Variants in C17orf107 observed in about 807,000 individuals in gnomAD.
The protein encoded by C17orf107 is chromosome 17 open reading frame 107, also known as uncharacterized protein C17orf107.
Under a neutral mutation model 8.9 loss-of-function variants are expected in C17orf107, and 9 were observed. The ratio of observed to expected loss-of-function variants is 1.02; its 90% CI spans 0.61 to 1.77. The LOEUF (loss-of-function observed/expected upper bound fraction) is 1.77. C17orf107 is among the 40% of genes most tolerant of loss of function. C17orf107 has a pLI of 0.00. For missense variants in C17orf107, 281 were observed against 249.0 expected (o/e 1.13, Z -0.86); for synonymous variants, 139 against 120.3 (o/e 1.16, Z -1.02).
In C17orf107 at chr17:4,900,872, G is replaced by A. The variant is rs900612569; in HGVS notation, c.*339G>A. The A allele has an allele frequency of 1.9e-6, 3 of 1,614,220 alleles. No homozygotes were observed. Among genetic ancestry groups the A allele is most frequent in the African/African-American group, 2.7e-5 (2 of 75,076 alleles). On this transcript the variant is annotated 3_prime_UTR_variant, in exon 3 of 3. Coordinates refer to ENST00000381365, the MANE Select transcript of C17orf107 (RefSeq NM_001145536.2). ...AACAAGAAGACGGTCTGGGCGAGCA[G>A]GACGTTGATGGAGACCGTGCATTTC...
rs1207375260 is a variant in C17orf107 at position 4,901,109 on chromosome 17, G to C, written c.*576G>C. ...GATGATGAGCGAGTAGATGACGTCA[G>C]TCTCCCCTGGGCCGTCGGTGGCGCC... On this transcript the variant is annotated 3_prime_UTR_variant, in exon 3 of 3. Coordinates refer to ENST00000381365, the MANE Select transcript of C17orf107 (RefSeq NM_001145536.2). 2 of 1,613,496 alleles carry C rather than the reference G, an allele frequency of 1.2e-6. No homozygotes were observed. Among genetic ancestry groups the C allele is most frequent in the South Asian group, 1.1e-5 (1 of 91,080 alleles).
intron 1 of C17orf107, 41 bp downstream of exon 1, chr17:4,899,869 T>TG: frequency 6.5e-7 from 1 of 1,543,114 alleles, no homozygotes; most frequent in South Asian, 1.2e-5. Context: ...CGAGACCTTC[T>TG]GGGTAGGTCT....
At position 4,900,947 on chromosome 17, in the gene C17orf107, G is replaced by T; in HGVS notation, c.*414G>T. On this transcript the variant is annotated 3_prime_UTR_variant, in exon 3 of 3. Transcript: ENST00000381365. ...AGTGAGAGCGGGCCCCGCCTCCCGGGAGCGAGCCCGGGTTTGGGGGTAGGT... is the reference window on the plus strand; with the variant it reads ...AGTGAGAGCGGGCCCCGCCTCCCGGTAGCGAGCCCGGGTTTGGGGGTAGGT... 6.2e-7 allele frequency: 1 copy of T among 1,614,032 alleles called. No homozygotes were observed. The highest frequency in any genetic ancestry group is 1.3e-5 in the African/African-American group (1 of 75,070).
chr17:4,901,110 T>C lies in C17orf107; in HGVS notation c.*577T>C, dbSNP rs1252881821. ...ATGATGAGCGAGTAGATGACGTCAG[T>C]CTCCCCTGGGCCGTCGGTGGCGCCA... On this transcript the variant is annotated 3_prime_UTR_variant, in exon 3 of 3. Coordinates refer to ENST00000381365, the MANE Select transcript of C17orf107 (RefSeq NM_001145536.2). 2 of 1,613,326 alleles carry C rather than the reference T, an allele frequency of 1.2e-6. No homozygotes were observed. The highest frequency in any genetic ancestry group is 1.7e-6 in the Non-Finnish European group (2 of 1,179,914).
In C17orf107 at chr17:4,900,574, T is replaced by G. The variant is rs1248017352; in HGVS notation, c.*41T>G. On this transcript the variant is annotated 3_prime_UTR_variant, in exon 3 of 3. Coordinates refer to ENST00000381365, the MANE Select transcript of C17orf107 (RefSeq NM_001145536.2). ...GGGCTAGGGAGGCACTGAGCCGGAC[T>G]GTCCCCCAAGAGAGCTACTCGGGAG... is the stretch of plus-strand genomic sequence containing the variant. 1 of 1,549,262 alleles carries G rather than the reference T, an allele frequency of 6.5e-7. No individual in the cohort carries two copies. Among genetic ancestry groups the G allele is most frequent in the African/African-American group, 1.4e-5 (1 of 73,056 alleles).
chr17:4,904,137 G>A (rs1355604056), downstream of C17orf107, among the ~76,000 whole-genome samples: 3 of 152,144 alleles, frequency 2.0e-5, no homozygotes, highest in Non-Finnish European at 2.9e-5. Flanking sequence ...GATTATAGGC[G>A]TGAGCCACCG....
chr17:4,903,120 C>T, downstream of C17orf107: 2 of 1,589,648 alleles, frequency 1.3e-6, no homozygotes, highest in Non-Finnish European at 1.7e-6. Flanking sequence ...AGGGGGCATG[C>T]CAGGGTGCCT....
chr17:4,902,629 T>C lies in C17orf107; in HGVS notation c.*2096T>C. On this transcript the variant is annotated 3_prime_UTR_variant, in exon 3 of 3. Transcript: ENST00000381365. The surrounding 1 kb of genome is among the most constrained non-coding windows in gnomAD (Gnocchi z 4.0). ...GGGTGGGGGTAGCTTACCAGTGAGA[T>C]GAGATTCGTCAGGGTGACCTTGAGG... is the stretch of plus-strand genomic sequence containing the variant. 8 of 1,610,244 alleles carry C rather than the reference T, an allele frequency of 5.0e-6. No homozygotes were observed. The highest frequency in any genetic ancestry group is 6.8e-6 in the Non-Finnish European group (8 of 1,176,860).
rs1385171102 is a variant in C17orf107 at position 4,900,625 on chromosome 17, TGAG to T, written c.*98_*100del. On this transcript the variant is annotated 3_prime_UTR_variant, in exon 3 of 3. Transcript: ENST00000381365. ...ACCTCCAGGTGACGTCCAGCAGCAG[TGAG>T]GAGGACGGCGGACCAGGGACTCCAT... The T allele has an allele frequency of 4.7e-6, 7 of 1,501,504 alleles. No homozygotes were observed. The Admixed American group carries it at 9.9e-5, about 21-fold the overall frequency. 93.0% of individuals were successfully genotyped at this position (1,501,504 alleles called of 1,614,324 possible).
Position 4,902,013 on chromosome 17 carries a change from G to A in C17orf107, c.*1480G>A. 2 of 1,614,118 alleles carry A rather than the reference G, an allele frequency of 1.2e-6. No individual in the cohort carries two copies. Among genetic ancestry groups the A allele is most frequent in the Non-Finnish European group, 1.7e-6 (2 of 1,180,046 alleles). On this transcript the variant is annotated 3_prime_UTR_variant, in exon 3 of 3. Coordinates refer to ENST00000381365, the MANE Select transcript of C17orf107 (RefSeq NM_001145536.2). This position sits in a 1 kb window ranked among gnomAD's most constrained non-coding sequence, Gnocchi z 4.0. ...GCAGACGCTGCGGTAGATGGCCGGA[G>A]GCAGCCACGTCACGGAGCCGCCCTC...
downstream of C17orf107, chr17:4,903,010 G>T: frequency 6.2e-7 from 1 of 1,614,050 alleles, no homozygotes; most frequent in Non-Finnish European, 8.5e-7. Flanking sequence ...TCTAGCCCCT[G>T]TCCGTACCGA....
Position 4,899,990 on chromosome 17 carries a change from C to A in C17orf107, c.121C>A (p.His41Asn). ...SSLELSVAAA[H>N]EYLEQRFREL... ...CCTGGAACTCTCCGTGGCCGCAGCC[C>A]ATGAATATCTGGAGCAGAGGTTCAG... The change falls in exon 2 of 3, where the codon CAT becomes AAT. Residue 41 changes from histidine (H) to asparagine (N), a missense_variant. Transcript: ENST00000381365. 1 of 1,551,540 alleles carries A rather than the reference C, an allele frequency of 6.4e-7. No individual in the cohort carries two copies. The highest frequency in any genetic ancestry group is 2.4e-5 in the East Asian group (1 of 40,926).
downstream of C17orf107, among the ~76,000 whole-genome samples, chr17:4,905,997 C>G (rs572060163): frequency 5.1e-4 from 78 of 152,358 alleles, no homozygotes; most frequent in African/African-American, 1.7e-3. Flanking sequence ...TGTCCGCTCT[C>G]TGCTCCTCTC....
Position 4,902,655 on chromosome 17 carries a change from C to T in C17orf107, c.*2122C>T, listed in dbSNP as rs759127314. 8 of 1,614,002 alleles carry T rather than the reference C, an allele frequency of 5.0e-6. No homozygotes were observed. The highest frequency in any genetic ancestry group is 1.3e-5 in the African/African-American group (1 of 74,900). On this transcript the variant is annotated 3_prime_UTR_variant, in exon 3 of 3. Transcript: ENST00000381365. The surrounding 1 kb of genome is among the most constrained non-coding windows in gnomAD (Gnocchi z 4.0). ...GAGATTCGTCAGGGTGACCTTGAGGCTGATGGTGACAGTATCCTCAGGCTC... is the reference window on the plus strand; with the variant it reads ...GAGATTCGTCAGGGTGACCTTGAGGTTGATGGTGACAGTATCCTCAGGCTC...
chr17:4,904,924 G>A (rs143909795), downstream of C17orf107, among the ~76,000 whole-genome samples: 2 of 152,258 alleles, frequency 1.3e-5, no homozygotes, highest in Admixed American at 1.3e-4. Context: ...CCCTTTCTGG[G>A]TCTCTTTGAC....
chr17:4,904,461 T>C (rs1048552487), downstream of C17orf107, among the ~76,000 whole-genome samples: 2 of 152,182 alleles, frequency 1.3e-5, no homozygotes, highest in African/African-American at 2.4e-5. Context: ...GAATTATGAT[T>C]TCGGGACTAG....
At position 4,900,906 on chromosome 17, in the gene C17orf107, G is replaced by A. The variant is rs775149431; in HGVS notation, c.*373G>A. ...TGGAGACCGTGCATTTCTGGCCGCC[G>A]GCTGGAGGGAGAGCCAGTGAGAGCG... On this transcript the variant is annotated 3_prime_UTR_variant, in exon 3 of 3. Coordinates refer to ENST00000381365, the MANE Select transcript of C17orf107 (RefSeq NM_001145536.2). 7.4e-6 allele frequency: 12 copies of A among 1,614,058 alleles called. No individual in the cohort carries two copies. The African/African-American group carries it at 1.2e-4, about 16-fold the overall frequency.
rs763066225 is a variant in C17orf107 at position 4,901,236 on chromosome 17, C to A, written c.*703C>A. The A allele has an allele frequency of 1.0e-5, 16 of 1,585,214 alleles. No homozygotes were observed. In the South Asian group the frequency reaches 1.4e-4, roughly 14 times the overall value. ...CAGCTGGCTGTCAGAGCGGGGCGCC[C>A]GCCGAGCTGACAGCGGGCTGAAGAG... On this transcript the variant is annotated 3_prime_UTR_variant, in exon 3 of 3. Coordinates refer to ENST00000381365, the MANE Select transcript of C17orf107 (RefSeq NM_001145536.2).
chr17:4,906,566 C>A (rs1312856996), downstream of C17orf107, among the ~76,000 whole-genome samples: 1 of 151,950 alleles, frequency 6.6e-6, no homozygotes, highest in Non-Finnish European at 1.5e-5. Context: ...CACACAAATG[C>A]CAAACAGGTA....
Sources: allele counts gnomAD v4.1 joint callset (sites outside exome capture counted in the v4.1 genomes callset), GRCh38; gene constraint gnomAD v4.1.1; non-coding constraint Gnocchi (gnomAD v3.1); transcripts MANE v1.5; gene names NCBI Gene and HGNC (gene_info 2026-07-23, HGNC 2026-07-21).